The following RORB variants were observed in gnomAD, a reference collection of about 807,000 sequenced individuals.
RORB encodes nuclear receptor ROR-beta.
RORB carries 6 observed loss-of-function variants against 59.1 expected under a neutral mutation model. That is an observed-to-expected ratio of 0.10 (90% confidence interval 0.06 to 0.20). RORB has a LOEUF of 0.20. RORB is among the 10% of genes least tolerant of loss of function. The pLI, the probability that RORB is intolerant of heterozygous loss-of-function variation, is 1.00. For synonymous variants in RORB, 215 were observed against 204.5 expected (o/e 1.05, Z -0.44); for missense variants, 320 against 560.5 (o/e 0.57, Z 4.33).
At chr9:74,579,361 A>G (rs908190602) in intron 1 of RORB, among the ~76,000 whole-genome samples, 2 of 151,986 alleles carry the variant, frequency 1.3e-5, no homozygotes, top group African/African-American at 4.8e-5. Flanking sequence ...ACAGTTTTAT[A>G]TTTCTTTCTT....
intron 1 of RORB, among the ~76,000 whole-genome samples, chr9:74,548,134 G>T (rs1396669637): frequency 6.6e-6 from 1 of 152,184 alleles, no homozygotes; most frequent in Non-Finnish European, 1.5e-5. Flanking sequence ...AGCAAGAGCA[G>T]CCAGGTCATA....
At chr9:74,572,867 G>GT (rs1822573682) in intron 1 of RORB, among the ~76,000 whole-genome samples, 3 of 152,134 alleles carry the variant, frequency 2.0e-5, no homozygotes, top group African/African-American at 7.2e-5. Context: ...TTCCCTTCGT[G>GT]TGTGGCACAA....
intron 1 of RORB, among the ~76,000 whole-genome samples, chr9:74,603,673 C>T (rs1289372568): frequency 3.9e-5 from 6 of 152,156 alleles, no homozygotes; most frequent in African/African-American, 1.4e-4. Context: ...CTTACTTAGT[C>T]CATTACTAGG....
At chr9:74,605,454 A>C (rs902116824) in intron 1 of RORB, among the ~76,000 whole-genome samples, 1 of 152,184 alleles carries the variant, frequency 6.6e-6, no homozygotes, top group African/African-American at 2.4e-5. Context: ...TATTTTCCAC[A>C]GTATAGGCGG....
intron 1 of RORB, among the ~76,000 whole-genome samples, chr9:74,506,781 A>C (rs139268752): frequency 6.6e-6 from 1 of 152,120 alleles, no homozygotes; most frequent in East Asian, 1.9e-4. Context: ...CCACAGAGTC[A>C]TACCTTTTAA....
At chr9:74,646,714 T>C (rs1355481419) in intron 4 of RORB, among the ~76,000 whole-genome samples, 2 of 152,204 alleles carry the variant, frequency 1.3e-5, no homozygotes, top group East Asian at 3.8e-4. Context: ...TAAGTCACTG[T>C]CCTAGACTGC....
At chr9:74,656,375 G>A (rs533168582) in intron 4 of RORB, among the ~76,000 whole-genome samples, 2 of 152,238 alleles carry the variant, frequency 1.3e-5, no homozygotes, top group South Asian at 4.2e-4. Context: ...TTTCACAACA[G>A]CCTGATTAAT....
intron 1 of RORB, among the ~76,000 whole-genome samples, chr9:74,546,171 C>G (rs1018411364): frequency 2.0e-5 from 3 of 151,870 alleles, no homozygotes; most frequent in Non-Finnish European, 4.4e-5. Context: ...TGATGGGAAG[C>G]AAAAAATGAT....
chr9:74,547,695 G>A (rs949130078), intron 1 of RORB, among the ~76,000 whole-genome samples: 2 of 152,194 alleles, frequency 1.3e-5, no homozygotes, highest in African/African-American at 4.8e-5. Context: ...TAAAAGAACA[G>A]CAGTGTGTGA....
intron 3 of RORB, among the ~76,000 whole-genome samples, chr9:74,637,546 T>C (rs1823726737): frequency 6.6e-6 from 1 of 151,942 alleles, no homozygotes; most frequent in African/African-American, 2.4e-5. Context: ...GTGTGTGAAT[T>C]GGCAGCATGC....
chr9:74,596,273 G>A (rs756956784), intron 1 of RORB, among the ~76,000 whole-genome samples: 2 of 152,126 alleles, frequency 1.3e-5, no homozygotes, highest in African/African-American at 2.4e-5. Context: ...AGAGACATTC[G>A]TCAGCTCCAG....
At chr9:74,536,153 T>C (rs1826319291) in intron 1 of RORB, among the ~76,000 whole-genome samples, 1 of 152,082 alleles carries the variant, frequency 6.6e-6, no homozygotes, top group East Asian at 1.9e-4. Context: ...TGGTTTATTA[T>C]GATTTAGATA....
intron 4 of RORB, among the ~76,000 whole-genome samples, chr9:74,643,693 A>G (rs1252259891): frequency 1.3e-5 from 2 of 152,232 alleles, no homozygotes; most frequent in East Asian, 3.9e-4. Context: ...AACAGTGGCG[A>G]TGTGATCCCA....
chr9:74,684,805 TG>T (rs1255518070), intron 9 of RORB, among the ~76,000 whole-genome samples: 2 of 152,150 alleles, frequency 1.3e-5, no homozygotes, highest in African/African-American at 4.8e-5. Context: ...ACTCTACAAG[TG>T]GGTTAGTGAG....
At chr9:74,598,756 G>A (rs574925615) in intron 1 of RORB, among the ~76,000 whole-genome samples, 3 of 152,290 alleles carry the variant, frequency 2.0e-5, no homozygotes, top group African/African-American at 7.2e-5. Context: ...CACTACGACA[G>A]AATACCTGAG....
chr9:74,578,714 A>G (rs1822674067), intron 1 of RORB, among the ~76,000 whole-genome samples: 1 of 152,108 alleles, frequency 6.6e-6, no homozygotes, highest in South Asian at 2.1e-4. Context: ...TTAATACCAT[A>G]TACCACAAGT....
intron 1 of RORB, among the ~76,000 whole-genome samples, chr9:74,599,652 C>A (rs546897578): frequency 2.0e-5 from 3 of 152,148 alleles, no homozygotes; most frequent in Admixed American, 1.3e-4. Flanking sequence ...AATATTCCAA[C>A]CACATTGTAA....
intron 1 of RORB, among the ~76,000 whole-genome samples, chr9:74,592,434 G>A (rs1822913484): frequency 6.6e-6 from 1 of 152,184 alleles, no homozygotes; most frequent in East Asian, 1.9e-4. Flanking sequence ...CGTGGCTATA[G>A]AACTGGATAA....
intron 1 of RORB, among the ~76,000 whole-genome samples, chr9:74,556,074 C>T (rs559311299): frequency 1.1e-4 from 17 of 152,208 alleles, no homozygotes; most frequent in East Asian, 7.7e-4. Context: ...AAATTGTTGA[C>T]GTCGTTACTT....
Sources: allele counts gnomAD v4.1 joint callset (sites outside exome capture counted in the v4.1 genomes callset), GRCh38; gene constraint gnomAD v4.1.1; transcripts MANE v1.5; gene names NCBI Gene and HGNC (gene_info 2026-07-23, HGNC 2026-07-21).